The following ANKRD44 variants were observed in gnomAD, a reference collection of about 807,000 sequenced individuals.
The protein encoded by ANKRD44 is ankyrin repeat domain 44, also known as serine/threonine-protein phosphatase 6 regulatory ankyrin repeat subunit B.
In ANKRD44, 35 loss-of-function variants were observed where a neutral mutation model predicts 116.0. The observed-to-expected ratio is 0.30, with a 90% CI of 0.23 to 0.40. ANKRD44 has a LOEUF of 0.40. Ranked by LOEUF, ANKRD44 falls within the 10% of genes least tolerant of loss-of-function variation. The probability of loss-of-function intolerance (pLI) is 1.00; values close to 1 mark genes in which losing one functional copy is unlikely to be tolerated. For synonymous variants in ANKRD44, 435 were observed against 461.8 expected (o/e 0.94, Z 0.74); for missense variants, 1,014 against 1,242.6 (o/e 0.82, Z 2.77).
intron 3 of ANKRD44, among the ~76,000 whole-genome samples, chr2:197,139,385 A>G (rs2079301395): frequency 6.6e-6 from 1 of 152,234 alleles, no homozygotes; most frequent in Non-Finnish European, 1.5e-5. Context: ...TTTTAAAATC[A>G]TAACACCAAA....
chr2:197,235,949 T>G (rs974965397), intron 1 of ANKRD44, among the ~76,000 whole-genome samples: 2 of 152,006 alleles, frequency 1.3e-5, no homozygotes, highest in Non-Finnish European at 2.9e-5. Flanking sequence ...AGTTGATGAG[T>G]GCTATTTGTT....
chr2:197,077,355 C>A (rs993791785), intron 16 of ANKRD44, among the ~76,000 whole-genome samples: 1 of 152,112 alleles, frequency 6.6e-6, no homozygotes, highest in Non-Finnish European at 1.5e-5. Flanking sequence ...ATTCCCTTTT[C>A]CCTCCTTTCA....
At chr2:197,287,794 C>A (rs2083446866) in intron 1 of ANKRD44, among the ~76,000 whole-genome samples, 1 of 151,826 alleles carries the variant, frequency 6.6e-6, no homozygotes, top group Non-Finnish European at 1.5e-5. Context: ...CCGAGGCGGG[C>A]ATATCACTTG....
chr2:196,995,550 T>C, intron 25 of ANKRD44, 89 bp from the exon 26 acceptor site: 2 of 1,019,816 alleles, frequency 2.0e-6, no homozygotes, highest in East Asian at 2.4e-5. Flanking sequence ...AAATTGAAAA[T>C]GAATGTCGTC....
At chr2:197,303,900 A>T (rs1001558089) in intron 1 of ANKRD44, among the ~76,000 whole-genome samples, 1 of 152,206 alleles carries the variant, frequency 6.6e-6, no homozygotes, top group African/African-American at 2.4e-5. Context: ...CTACCAACAT[A>T]TTTACAAACA....
intron 27 of ANKRD44, among the ~76,000 whole-genome samples, chr2:196,992,422 G>A (rs754394094): frequency 6.6e-6 from 1 of 152,204 alleles, no homozygotes; most frequent in South Asian, 2.1e-4. Context: ...AGGCCTTTGG[G>A]ATGCAGGTGC....
chr2:197,283,385 C>T (rs73988422), intron 1 of ANKRD44, among the ~76,000 whole-genome samples: 17,867 of 152,218 alleles, frequency 0.12, 2,768 homozygotes, highest in African/African-American at 0.36. Flanking sequence ...GCCAGTCTCT[C>T]GGCAGAGCCC....
intron 4 of ANKRD44, among the ~76,000 whole-genome samples, chr2:197,129,692 G>T (rs1463397941): frequency 5.9e-5 from 9 of 152,136 alleles, no homozygotes; most frequent in African/African-American, 2.2e-4. Context: ...TTAACAAAAG[G>T]CCACTTCAAC....
At chr2:197,164,460 A>T (rs2080053146) in intron 2 of ANKRD44, among the ~76,000 whole-genome samples, 1 of 152,150 alleles carries the variant, frequency 6.6e-6, no homozygotes, top group Non-Finnish European at 1.5e-5. Context: ...GGGGTCGGGC[A>T]GGTCGCACCC....
At chr2:197,071,727 G>C (rs1367971683) in intron 16 of ANKRD44, among the ~76,000 whole-genome samples, 2 of 152,122 alleles carry the variant, frequency 1.3e-5, no homozygotes, top group Admixed American at 1.3e-4. Context: ...ATGTTATTGA[G>C]TTTTTCTATA....
At position 197,260,991 on chromosome 2, in the gene ANKRD44, C is replaced by G. The variant is rs1188699961; in HGVS notation, c.27+49587G>C. Among the ~76,000 whole-genome samples the G allele has an allele frequency of 5.3e-5, 8 of 151,318 alleles. No homozygotes were observed. In the South Asian group the frequency reaches 6.3e-4, roughly 12 times the overall value. ...TCTGGATATTAGCCCTTTGTCAGAT[C>G]AGTAGGTTGCAAAAATTTTCTCCCA... On this transcript the variant is annotated intron_variant, in intron 1 of 27. Coordinates refer to ENST00000282272, the MANE Select transcript of ANKRD44 (RefSeq NM_001195144.2).
chr2:197,007,744 T>A, intron 20 of ANKRD44, 62 bp downstream of exon 20: 1 of 1,130,494 alleles, frequency 8.8e-7, no homozygotes, highest in South Asian at 1.3e-5. Flanking sequence ...AATTGTTTGC[T>A]AAAAAAGAAA....
At chr2:197,155,343 C>T (rs113189584) in intron 2 of ANKRD44, among the ~76,000 whole-genome samples, 3,273 of 152,216 alleles carry the variant, frequency 0.022, 46 homozygotes, top group Middle Eastern at 0.048. Flanking sequence ...CCATTGTTCA[C>T]GCTCTTGCTG....
At chr2:197,159,113 C>T (rs1574575638) in intron 2 of ANKRD44, among the ~76,000 whole-genome samples, 3 of 152,330 alleles carry the variant, frequency 2.0e-5, no homozygotes, top group South Asian at 2.1e-4. Context: ...TAACTCCTAG[C>T]TATGGGGTTC....
At chr2:197,250,158 G>A (rs1320375887) in intron 1 of ANKRD44, among the ~76,000 whole-genome samples, 5 of 152,164 alleles carry the variant, frequency 3.3e-5, no homozygotes, top group Non-Finnish European at 7.4e-5. Context: ...TGATGTCATC[G>A]TAGGTCCAGG....
At position 196,987,867 on chromosome 2, in the gene ANKRD44, C is replaced by A. The variant is rs1322637209; in HGVS notation, c.*1724G>T. On this transcript the variant is annotated 3_prime_UTR_variant, in exon 28 of 28. Transcript: ENST00000282272. The stretch of plus-strand genomic sequence containing the variant: ...TTTTTTTTCTTAGAAAGCTATGGTG[C>A]AAACATAATTTTATTTCTAAGAGAT... 1.0e-6 allele frequency: 1 copy of A among 981,752 alleles called. No individual in the cohort carries two copies. The highest frequency in any genetic ancestry group is 1.1e-4 in the East Asian group (1 of 8,794). The allele number at this position is 981,752 out of a possible 1,614,324, so 60.8% of individuals were successfully genotyped here.
At chr2:197,105,641 G>A (rs2078407806) in intron 9 of ANKRD44, among the ~76,000 whole-genome samples, 1 of 152,060 alleles carries the variant, frequency 6.6e-6, no homozygotes. Flanking sequence ...TTTATAATCA[G>A]GAAAAATAAT....
rs200256222 is a variant in ANKRD44 at position 196,995,362 on chromosome 2, T to C, written c.2831+17A>G. The stretch of plus-strand genomic sequence containing the variant: ...TATGACCCTGGGTTCAAGTCCAACT[T>C]TAGTAGTTACACTTACGTCTGCAGT... On this transcript the variant is annotated intron_variant, in intron 26 of 27. Transcript: ENST00000282272. 407 of 1,584,692 alleles carry C rather than the reference T, an allele frequency of 2.6e-4. No individual in the cohort carries two copies. Among genetic ancestry groups the C allele is most frequent in the Non-Finnish European group, 2.2e-4 (254 of 1,156,540 alleles).
intron 8 of ANKRD44, among the ~76,000 whole-genome samples, chr2:197,120,921 T>G (rs1030502806): frequency 6.7e-6 from 1 of 149,520 alleles, no homozygotes; most frequent in Non-Finnish European, 1.5e-5. Context: ...TGAAGAAAAA[T>G]AACACAACTT....
Sources: gnomAD v4.1 joint callset for allele counts (sites outside exome capture counted in the v4.1 genomes callset) on GRCh38, gnomAD v4.1.1 for gene constraint, MANE v1.5 for transcripts, NCBI Gene and HGNC (gene_info 2026-07-23, HGNC 2026-07-21) for gene names.